Variants in RRBP1 observed in about 807,000 individuals in gnomAD.
RRBP1 encodes the protein ribosome-binding protein 1.
Under a neutral mutation model 165.2 loss-of-function variants are expected in RRBP1, and 94 were observed. The observed-to-expected ratio is 0.57, with a 90% CI of 0.48 to 0.68. The LOEUF (loss-of-function observed/expected upper bound fraction) is 0.68. RRBP1 is among the 30% of genes least tolerant of loss of function. The probability of loss-of-function intolerance (pLI) is 0.00; values close to 1 mark genes in which losing one functional copy is unlikely to be tolerated. For missense variants in RRBP1, 1,676 were observed against 1,763.0 expected (o/e 0.95, Z 0.88); for synonymous variants, 680 against 714.5 (o/e 0.95, Z 0.77).
Position 17,641,792 on chromosome 20 carries a change from T to A in RRBP1, c.2184+5A>T, listed in dbSNP as rs2036366455. ...AAACCATCTCCGAGCCCACTCAGGCTGTACCTTGTTGAGCTCCCTCAGTTT... is the reference window on the plus strand; with the variant it reads ...AAACCATCTCCGAGCCCACTCAGGCAGTACCTTGTTGAGCTCCCTCAGTTT... On this transcript the variant is annotated splice_donor_5th_base_variant and intron_variant, in intron 5 of 24. Coordinates refer to ENST00000377813, the MANE Select transcript of RRBP1 (RefSeq NM_001365613.2). 6.2e-7 allele frequency: 1 copy of A among 1,612,510 alleles called. No individual in the cohort carries two copies. The highest frequency in any genetic ancestry group is 1.7e-5 in the Admixed American group (1 of 60,004).
chr20:17,635,540 G>A lies in RRBP1; in HGVS notation c.2456+6C>T. 6.2e-7 allele frequency: 1 copy of A among 1,600,426 alleles called. No homozygotes were observed. The highest frequency in any genetic ancestry group is 8.5e-7 in the Non-Finnish European group (1 of 1,171,814). On this transcript the variant is annotated splice_donor_region_variant and intron_variant, in intron 7 of 24. Coordinates refer to ENST00000377813, the MANE Select transcript of RRBP1 (RefSeq NM_001365613.2). Reference sequence around the variant, plus strand: ...GGAGGTGCTGAGGCAGGAAAGCTCAGCTTACTTGCTCTCCACCTGGCTCGT... The same window carrying A: ...GGAGGTGCTGAGGCAGGAAAGCTCAACTTACTTGCTCTCCACCTGGCTCGT...
intron 5 of RRBP1, among the ~76,000 whole-genome samples, chr20:17,639,551 C>T (rs1739746353): frequency 6.6e-6 from 1 of 152,186 alleles, no homozygotes; most frequent in Non-Finnish European, 1.5e-5. Flanking sequence ...TTTACTGTCT[C>T]ACAACATTTC....
At chr20:17,654,178 C>T (rs530227087) in intron 3 of RRBP1, among the ~76,000 whole-genome samples, 106 of 152,200 alleles carry the variant, frequency 7.0e-4, no homozygotes, top group Non-Finnish European at 1.3e-3. Context: ...AGGGCCGGCA[C>T]CCTCCCTTCA....
chr20:17,661,589 G>A (rs562355541), intron 2 of RRBP1, among the ~76,000 whole-genome samples: 6 of 152,174 alleles, frequency 3.9e-5, no homozygotes, highest in Non-Finnish European at 5.9e-5. Flanking sequence ...TCCAGGAGGT[G>A]TATTTATTTG....
At chr20:17,628,544 G>A (rs1019753326) in intron 9 of RRBP1, among the ~76,000 whole-genome samples, 1 of 152,198 alleles carries the variant, frequency 6.6e-6, no homozygotes, top group South Asian at 2.1e-4. Context: ...GCGCACATGA[G>A]ACGACTTCAT....
Position 17,619,732 on chromosome 20 carries a change from G to A in RRBP1, c.3580-4C>T. ...AATGCGACGTGTGCTCCCTCACCTG[G>A]ACAGATGCACAGACACGCACACGCA... is the stretch of plus-strand genomic sequence containing the variant. On this transcript the variant is annotated splice_polypyrimidine_tract_variant and splice_region_variant and intron_variant, in intron 18 of 24. Transcript: ENST00000377813. The A allele has an allele frequency of 1.2e-6, 2 of 1,606,624 alleles. No homozygotes were observed. The highest frequency in any genetic ancestry group is 1.1e-5 in the South Asian group (1 of 90,442).
At chr20:17,655,943 G>A (rs2122429959) in intron 3 of RRBP1, among the ~76,000 whole-genome samples, 1 of 152,320 alleles carries the variant, frequency 6.6e-6, no homozygotes, top group South Asian at 2.1e-4. Context: ...GAACTGCTTA[G>A]AAATGCAGAA....
At chr20:17,644,238 C>T (rs756744768) in intron 3 of RRBP1, among the ~76,000 whole-genome samples, 1 of 152,102 alleles carries the variant, frequency 6.6e-6, no homozygotes, top group Admixed American at 6.6e-5. Flanking sequence ...AACTTCTTAC[C>T]CTGGTGAGGC....
At chr20:17,678,136 G>C (rs1214667203) in intron 2 of RRBP1, among the ~76,000 whole-genome samples, 3 of 152,196 alleles carry the variant, frequency 2.0e-5, no homozygotes, top group East Asian at 1.9e-4. Flanking sequence ...GGGGGTGTCT[G>C]GTTGTCTGCT....
Position 17,619,712 on chromosome 20 carries a change from G to A in RRBP1, c.3596C>T (p.Ser1199Leu), listed in dbSNP as rs11960. ...ESSDQVREHT[S>L]HLEAELEKHM... ...CTTTTCCAGCTCTGCCTCCAAATGC[G>A]ACGTGTGCTCCCTCACCTGGACAGA... is the stretch of plus-strand genomic sequence containing the variant. Residue 1199 changes from serine (S) to leucine (L), a missense_variant, in exon 19 of 25, where the codon TCG (serine) becomes TTG (leucine). By Grantham distance (145) the Ser-to-Leu change is moderately radical. Around this residue, in one of 5 missense-constraint regions of RRBP1, gnomAD observed 1,184 missense variants for 1,167.1 expected, o/e 1.01. Transcript: ENST00000377813. The A allele has an allele frequency of 0.67, 1,084,301 of 1,610,528 alleles. 383,119 individuals are homozygous for A. Among genetic ancestry groups the A allele is most frequent in the Non-Finnish European group, 0.73 (857,167 of 1,178,124 alleles).
chr20:17,639,142 G>A (rs1468750641), intron 5 of RRBP1, among the ~76,000 whole-genome samples: 1 of 152,202 alleles, frequency 6.6e-6, no homozygotes, highest in Non-Finnish European at 1.5e-5. Context: ...AGAAGGTTGT[G>A]CCTTCTTGGT....
At chr20:17,637,254 G>T (rs1160449959) in intron 5 of RRBP1, among the ~76,000 whole-genome samples, 2 of 152,200 alleles carry the variant, frequency 1.3e-5, no homozygotes, top group African/African-American at 4.8e-5. Context: ...CACCCAGGGG[G>T]ACATCGGCTC....
intron 5 of RRBP1, 26 bp from the exon 6 acceptor site, chr20:17,636,755 G>T: frequency 6.2e-7 from 1 of 1,611,538 alleles, no homozygotes; most frequent in Non-Finnish European, 8.5e-7. Context: ...CAGAGAGAGG[G>T]GCTGGTAAGC....
chr20:17,628,826 T>C (rs1245142170), intron 9 of RRBP1, among the ~76,000 whole-genome samples: 3 of 152,188 alleles, frequency 2.0e-5, no homozygotes, highest in African/African-American at 7.2e-5. Flanking sequence ...GGGCCGTGCC[T>C]CCCAACCTCC....
chr20:17,630,066 T>G, intron 8 of RRBP1, 105 bp from the exon 9 acceptor site: 1 of 1,283,796 alleles, frequency 7.8e-7, no homozygotes, highest in East Asian at 2.4e-5. Flanking sequence ...CAAAGCCCCG[T>G]GCAGTCTCTG....
intron 2 of RRBP1, among the ~76,000 whole-genome samples, chr20:17,668,818 CCT>C (rs1445630507): frequency 2.0e-5 from 3 of 152,330 alleles, no homozygotes; most frequent in Admixed American, 1.3e-4. Flanking sequence ...CACCCCTACC[CCT>C]GTCCCAGGGT....
chr20:17,638,708 C>T (rs540612348), intron 5 of RRBP1, among the ~76,000 whole-genome samples: 2 of 31,440 alleles, frequency 6.4e-5, no homozygotes, highest in South Asian at 4.2e-3. Flanking sequence ...GAAAAGCATT[C>T]CTGATGGTGG....
chr20:17,635,182 C>T (rs1238092356), intron 7 of RRBP1, among the ~76,000 whole-genome samples: 2 of 152,190 alleles, frequency 1.3e-5, no homozygotes, highest in African/African-American at 2.4e-5. Flanking sequence ...CTCCGGCCCA[C>T]TTGCTGTGGG....
rs775919605 is a variant in RRBP1 at position 17,659,015 on chromosome 20, T to C, written c.1493A>G (p.Gln498Arg). 2 of 1,594,312 alleles carry C rather than the reference T, an allele frequency of 1.3e-6. No individual in the cohort carries two copies. The highest frequency in any genetic ancestry group is 1.1e-5 in the South Asian group (1 of 89,620). The change falls in exon 3 of 25, where the codon CAG becomes CGG. Residue 498 changes from glutamine (Q) to arginine (R), a missense_variant. Gln to Arg is a conservative substitution (Grantham distance 43). Coordinates refer to ENST00000377813, the MANE Select transcript of RRBP1 (RefSeq NM_001365613.2). ...QGKKAEGAQN[Q>R]GKKAEGAQNQ... ...CTGGGCTCCCTCGGCCTTTTTGCCC[T>C]GGTTCTGAGCCCCCTCGGCCTTCTT...
Sources: allele counts gnomAD v4.1 joint callset (sites outside exome capture counted in the v4.1 genomes callset), GRCh38; gene constraint gnomAD v4.1.1; regional missense constraint gnomAD v4.1.1; transcripts MANE v1.5; gene names NCBI Gene and HGNC (gene_info 2026-07-23, HGNC 2026-07-21).